ADGRL3: variants seen among roughly 807,000 people sequenced by gnomAD.
The protein encoded by ADGRL3 is calcium-independent alpha-latrotoxin receptor 3.
ADGRL3 carries 62 observed loss-of-function variants against 153.5 expected under a neutral mutation model. The ratio of observed to expected loss-of-function variants is 0.40; its 90% CI spans 0.33 to 0.50. The LOEUF is 0.50. Ranked by LOEUF, ADGRL3 falls within the 20% of genes least tolerant of loss-of-function variation. The pLI is 0.47. For synonymous variants in ADGRL3, 710 were observed against 672.5 expected, an observed-to-expected ratio of 1.06 and a Z score of -0.86; for missense variants, 1,641 against 1,859.4, an observed-to-expected ratio of 0.88 and a Z score of 2.16.
At chr4:61,808,547 T>C (rs79038088) in intron 8 of ADGRL3, among the ~76,000 whole-genome samples, 16,073 of 152,232 alleles carry the variant, frequency 0.11, 913 homozygotes, top group Middle Eastern at 0.15. Context: ...AAATTGACTT[T>C]ACACAATTTT....
rs879823685 is a variant in ADGRL3 at position 62,053,465 on chromosome 4, A to T, written c.3814+8916A>T. Among the ~76,000 whole-genome samples the T allele has an allele frequency of 4.0e-5, 6 of 151,562 alleles. No homozygotes were observed. The East Asian group carries it at 1.2e-3, about 29-fold the overall frequency. ...GCTTTCTTCATAATTTGTCATAACA[A>T]GGAATGTGGCCGCTTCAGAATGTAA... On this transcript the variant is annotated intron_variant, in intron 25 of 26. Coordinates refer to ENST00000683033, the MANE Select transcript of ADGRL3 (RefSeq NM_001387552.1).
chr4:62,048,412 A>G (rs1732293943), intron 25 of ADGRL3, among the ~76,000 whole-genome samples: 1 of 151,700 alleles, frequency 6.6e-6, no homozygotes, highest in Admixed American at 6.6e-5. Flanking sequence ...ACAGACACAC[A>G]CCACCACACC....
At chr4:61,219,309 A>T (rs564851623) in intron 1 of ADGRL3, among the ~76,000 whole-genome samples, 1 of 152,314 alleles carries the variant, frequency 6.6e-6, no homozygotes, top group South Asian at 2.1e-4. Context: ...TTCTGTATCC[A>T]GTTGTTTAAT....
At chr4:61,909,362 A>G (rs552029547) in intron 11 of ADGRL3, among the ~76,000 whole-genome samples, 198 bp from the exon 12 acceptor site, 11 of 152,328 alleles carry the variant, frequency 7.2e-5, no homozygotes, top group African/African-American at 2.6e-4. Flanking sequence ...TTCTGAAGAC[A>G]TGCGTTTAAA....
intron 23 of ADGRL3, 24 bp from the exon 24 acceptor site, chr4:62,037,707 A>T: frequency 6.2e-7 from 1 of 1,613,388 alleles, no homozygotes. Context: ...ACTTGCTAAC[A>T]GAAGTTAATA....
At chr4:61,428,894 C>T (rs750264846) in intron 2 of ADGRL3, among the ~76,000 whole-genome samples, 5 of 98,288 alleles carry the variant, frequency 5.1e-5, no homozygotes, top group African/African-American at 1.3e-4. Context: ...CTATCTATAT[C>T]ATCTATCTAT....
chr4:61,530,527 G>A (rs1306701599), intron 4 of ADGRL3, among the ~76,000 whole-genome samples: 1 of 152,132 alleles, frequency 6.6e-6, no homozygotes, highest in Non-Finnish European at 1.5e-5. Context: ...AGACTGTGTG[G>A]AGAAAGATTT....
chr4:61,755,836 A>G (rs2096822417), intron 8 of ADGRL3, among the ~76,000 whole-genome samples: 4 of 152,184 alleles, frequency 2.6e-5, no homozygotes, highest in Admixed American at 2.6e-4. Context: ...CTTTCTACAT[A>G]TGGCTAGCCA....
At chr4:61,663,707 A>C (rs540382656) in intron 5 of ADGRL3, among the ~76,000 whole-genome samples, 1 of 152,226 alleles carries the variant, frequency 6.6e-6, no homozygotes, top group Non-Finnish European at 1.5e-5. Flanking sequence ...CTCCTGTGAC[A>C]ATAACAAATT....
intron 1 of ADGRL3, among the ~76,000 whole-genome samples, chr4:61,297,942 T>G (rs1160493098): frequency 6.6e-6 from 1 of 152,154 alleles, no homozygotes; most frequent in Non-Finnish European, 1.5e-5. Flanking sequence ...GAAGCTTATA[T>G]AATACTTTAT....
At chr4:61,614,218 A>AC (rs772036450) in intron 5 of ADGRL3, among the ~76,000 whole-genome samples, 3 of 152,200 alleles carry the variant, frequency 2.0e-5, no homozygotes, top group Non-Finnish European at 2.9e-5. Flanking sequence ...AATGCTCAAT[A>AC]CAGACCTCTC....
chr4:61,203,657 C>G (rs1163486279), intron 1 of ADGRL3, among the ~76,000 whole-genome samples: 1 of 152,218 alleles, frequency 6.6e-6, no homozygotes, highest in Non-Finnish European at 1.5e-5. Flanking sequence ...TTCTTTAGCA[C>G]TTTTTCATTT....
At chr4:61,346,565 A>ACCAGCCTG (rs1374282885) in intron 1 of ADGRL3, among the ~76,000 whole-genome samples, 3 of 151,262 alleles carry the variant, frequency 2.0e-5, no homozygotes, top group Non-Finnish European at 4.4e-5. Flanking sequence ...GGAGTTTGAA[A>ACCAGCCTG]CCAGCCTGGT....
At chr4:61,835,998 C>G (rs1182347414) in intron 9 of ADGRL3, among the ~76,000 whole-genome samples, 2 of 151,960 alleles carry the variant, frequency 1.3e-5, no homozygotes, top group Non-Finnish European at 2.9e-5. Context: ...ATGGCAGAAA[C>G]CAAGAAAAAG....
In ADGRL3 at chr4:61,211,298, C is replaced by A. The variant is rs527934276; in HGVS notation, c.-240+9533C>A. 5.3e-5 allele frequency among the ~76,000 whole-genome samples: 8 copies of A among 152,232 alleles called. No individual in the cohort carries two copies. The South Asian group carries it at 1.7e-3, about 32-fold the overall frequency. On this transcript the variant is annotated intron_variant, in intron 1 of 26. Coordinates refer to ENST00000683033, the MANE Select transcript of ADGRL3 (RefSeq NM_001387552.1). The stretch of plus-strand genomic sequence containing the variant: ...AAATTGGATACCTCTAGCCTTCTGC[C>A]TCAGTTCCATGCCCCTACCCAGCCT...
At chr4:62,064,153 C>G (rs1437210231) in intron 25 of ADGRL3, among the ~76,000 whole-genome samples, 1 of 151,992 alleles carries the variant, frequency 6.6e-6, no homozygotes, top group Non-Finnish European at 1.5e-5. Context: ...AGGATAAAGA[C>G]AGTGTACTGG....
In ADGRL3 at chr4:61,334,653, T is replaced by C. The variant is rs1440595616; in HGVS notation, c.-239-48471T>C. Among the ~76,000 whole-genome samples the C allele has an allele frequency of 2.0e-5, 3 of 152,160 alleles. No individual in the cohort carries two copies. In the East Asian group the frequency reaches 5.8e-4, roughly 29 times the overall value. ...TAAGATGCTGGAAAACTTCTGCAGC[T>C]ATGTCTCCAATTGGGTTTTACTATG... is the stretch of plus-strand genomic sequence containing the variant. On this transcript the variant is annotated intron_variant, in intron 1 of 26. Coordinates refer to ENST00000683033, the MANE Select transcript of ADGRL3 (RefSeq NM_001387552.1).
chr4:61,891,379 A>T (rs2098584018), intron 9 of ADGRL3, among the ~76,000 whole-genome samples: 1 of 152,186 alleles, frequency 6.6e-6, no homozygotes, highest in Non-Finnish European at 1.5e-5. Context: ...GAAAGGGACC[A>T]TGAGAGAAAG....
chr4:61,464,723 T>G lies in ADGRL3; in HGVS notation c.-173-32398T>G, dbSNP rs2097859791. On this transcript the variant is annotated intron_variant, in intron 2 of 26. Transcript: ENST00000683033. ...ACTGATATGGAAGATATTCTTCAGT[T>G]TTGACCATTTGATTTGAAATTGCTT... 3.3e-5 allele frequency among the ~76,000 whole-genome samples: 5 copies of G among 152,196 alleles called. No individual in the cohort carries two copies. In the South Asian group the frequency reaches 1.0e-3, roughly 31 times the overall value.
Sources: gnomAD v4.1 joint callset for allele counts (sites outside exome capture counted in the v4.1 genomes callset) on GRCh38, gnomAD v4.1.1 for gene constraint, MANE v1.5 for transcripts, NCBI Gene and HGNC (gene_info 2026-07-23, HGNC 2026-07-21) for gene names.